The following CCDC191 variants were observed in gnomAD, a reference collection of about 807,000 sequenced individuals.
The protein encoded by CCDC191 is coiled-coil domain-containing protein 191.
Under a neutral mutation model 114.0 loss-of-function variants are expected in CCDC191, and 99 were observed. The ratio of observed to expected loss-of-function variants is 0.87; its 90% confidence interval spans 0.74 to 1.03. The LOEUF (loss-of-function observed/expected upper bound fraction) is 1.03, where lower values mean the gene tolerates loss of function less well. Among genes scored for constraint, CCDC191 ranks in the 50% least tolerant of loss-of-function variants. The pLI, the probability that CCDC191 is intolerant of heterozygous loss-of-function variation, is 0.00. For missense variants in CCDC191, 973 were observed against 1,087.0 expected, an observed-to-expected ratio of 0.90 and a Z score of 1.47; for synonymous variants, 351 against 376.0, an observed-to-expected ratio of 0.93 and a Z score of 0.77.
At chr3:113,972,666 G>A (rs747817128) in intron 16 of CCDC191, among the ~76,000 whole-genome samples, 4 of 152,136 alleles carry the variant, frequency 2.6e-5, no homozygotes, top group East Asian at 1.9e-4. Flanking sequence ...TGAGAGTGGC[G>A]TGTTGAAGTC....
At chr3:114,011,763 G>A (rs1202933440) in intron 8 of CCDC191, among the ~76,000 whole-genome samples, 1 of 152,164 alleles carries the variant, frequency 6.6e-6, no homozygotes, top group Non-Finnish European at 1.5e-5. Context: ...ATGACTGAGG[G>A]GAGGTTGGGA....
chr3:114,046,824 C>T (rs955613510), intron 2 of CCDC191, 92 bp from the exon 3 acceptor site: 1 of 1,445,992 alleles, frequency 6.9e-7, no homozygotes, highest in African/African-American at 1.4e-5. Flanking sequence ...TGATTTTCTA[C>T]CACCTACTAA....
chr3:114,006,617 T>TATATATATATATAAATAA, intron 9 of CCDC191, among the ~76,000 whole-genome samples: 1 of 118,426 alleles, frequency 8.4e-6, no homozygotes, highest in East Asian at 2.4e-4. Flanking sequence ...TATATATATA[T>TATATATATATATAAATAA]AAATATATAT....
At chr3:114,010,265 C>G (rs995701717) in intron 9 of CCDC191, among the ~76,000 whole-genome samples, 31 of 151,982 alleles carry the variant, frequency 2.0e-4, no homozygotes, top group African/African-American at 6.5e-4. Context: ...TTTGCATATG[C>G]TTAAAGACTA....
chr3:113,994,889 A>G (rs960414276), intron 13 of CCDC191, among the ~76,000 whole-genome samples: 1 of 152,138 alleles, frequency 6.6e-6, no homozygotes, highest in South Asian at 2.1e-4. Flanking sequence ...CTGAAAACTT[A>G]TGAGTCCAAA....
chr3:114,036,789 G>T lies in CCDC191; in HGVS notation c.416-3C>A. The stretch of plus-strand genomic sequence containing the variant: ...TTCCTCCAAATAGCCACATAAATCT[G>T]GGGGAAACAGAACAACAAAAAAGGG... On this transcript the variant is annotated splice_region_variant and splice_polypyrimidine_tract_variant and intron_variant, in intron 4 of 16. Transcript: ENST00000295878. The T allele has an allele frequency of 6.6e-7, 1 of 1,507,190 alleles. No individual in the cohort carries two copies. The highest frequency in any genetic ancestry group is 8.9e-7 in the Non-Finnish European group (1 of 1,128,816). 93.4% of individuals were successfully genotyped at this position (1,507,190 alleles called of 1,614,324 possible).
chr3:114,042,670 G>A (rs201271971), intron 4 of CCDC191, 33 bp downstream of exon 4: 19 of 1,498,842 alleles, frequency 1.3e-5, no homozygotes, highest in Non-Finnish European at 1.7e-5. Flanking sequence ...TTCATTAGAT[G>A]TTAAAACTTA....
At chr3:114,034,695 G>GA (rs1441372646) in intron 6 of CCDC191, among the ~76,000 whole-genome samples, 1 of 152,034 alleles carries the variant, frequency 6.6e-6, no homozygotes, top group East Asian at 1.9e-4. Context: ...ACAACAAGCA[G>GA]AATTACAAAT....
At chr3:113,982,902 C>G (rs1005190414) in intron 13 of CCDC191, among the ~76,000 whole-genome samples, 1 of 151,072 alleles carries the variant, frequency 6.6e-6, no homozygotes, top group Non-Finnish European at 1.5e-5. Context: ...CAAAAAACAA[C>G]TAGAGACCAT....
intron 15 of CCDC191, 104 bp downstream of exon 15, chr3:113,978,754 C>T: frequency 7.9e-7 from 1 of 1,273,832 alleles, no homozygotes; most frequent in Admixed American, 2.2e-5. Flanking sequence ...CTCTTTTGTT[C>T]TTGAAAAAAC....
In CCDC191 at chr3:114,010,974, T is replaced by A; in HGVS notation, c.1211A>T (p.His404Leu). Residue 404 changes from histidine (H) to leucine (L), a missense_variant, in exon 9 of 17, where the codon CAC becomes CTC. Transcript: ENST00000295878. Reference sequence around the variant, plus strand: ...CCAATGCTGCCATTCTGTAAAGCAGTGTCGGAGAACTTGTTTCCGGTTATA... The same window carrying A: ...CCAATGCTGCCATTCTGTAAAGCAGAGTCGGAGAACTTGTTTCCGGTTATA... ...TEYNRKQVLRHCFTEWQHWHG... is the reference protein window; with the variant it reads ...TEYNRKQVLRLCFTEWQHWHG... 1 of 1,614,002 alleles carries A rather than the reference T, an allele frequency of 6.2e-7. No homozygotes were observed. The highest frequency in any genetic ancestry group is 8.5e-7 in the Non-Finnish European group (1 of 1,179,904).
In CCDC191 at chr3:113,965,301, C is replaced by G; in HGVS notation, c.2665G>C (p.Glu889Gln). Residue 889 changes from glutamate (E) to glutamine (Q), a missense_variant, in exon 17 of 17, where the codon GAA becomes CAA. By Grantham distance (29) the Glu-to-Gln change is conservative. Coordinates refer to ENST00000295878, the MANE Select transcript of CCDC191 (RefSeq NM_020817.2). The stretch of plus-strand genomic sequence containing the variant: ...TGTCGCCTTTCTTCTTTTACTCTTT[C>G]CTCTTTCATAAATTTTACAAACTTC... ...WKKFVKFMKE[E>Q]RVKEERRQQL... 1 of 1,611,284 alleles carries G rather than the reference C, an allele frequency of 6.2e-7. No individual in the cohort carries two copies. The highest frequency in any genetic ancestry group is 2.2e-5 in the East Asian group (1 of 44,738).
chr3:114,027,443 G>A (rs539904803), intron 7 of CCDC191, among the ~76,000 whole-genome samples: 129 of 108,978 alleles, frequency 1.2e-3, no homozygotes, highest in Non-Finnish European at 1.9e-3. Flanking sequence ...GTGAAACTCC[G>A]TCTCTACTAA....
intron 16 of CCDC191, among the ~76,000 whole-genome samples, chr3:113,966,032 A>C (rs1211413400): frequency 6.6e-6 from 1 of 152,148 alleles, no homozygotes; most frequent in East Asian, 1.9e-4. Context: ...TATTGTACCC[A>C]TGCCAGGACC....
chr3:114,019,920 T>C (rs2076220312), intron 7 of CCDC191, among the ~76,000 whole-genome samples: 1 of 152,088 alleles, frequency 6.6e-6, no homozygotes, highest in African/African-American at 2.4e-5. Context: ...ACACACTATA[T>C]TGTAATCACC....
At position 114,018,690 on chromosome 3, in the gene CCDC191, C is replaced by T; in HGVS notation, c.1151G>A (p.Arg384Lys). 6.2e-7 allele frequency: 1 copy of T among 1,610,502 alleles called. No homozygotes were observed. The highest frequency in any genetic ancestry group is 8.5e-7 in the Non-Finnish European group (1 of 1,178,404). Reference sequence around the variant, plus strand: ...CAAATAATGATACCTGTTTTCTTCCCTAAGATCATTTTCCAAGGCTTGAGT... The same window carrying T: ...CAAATAATGATACCTGTTTTCTTCCTTAAGATCATTTTCCAAGGCTTGAGT... ...RETQALENDL[R>K]EENRKQQLAT... Residue 384 changes from arginine to lysine, a missense_variant, in exon 8 of 17, where the codon AGG becomes AAG. Transcript: ENST00000295878.
At chr3:113,987,607 C>T (rs192262184) in intron 13 of CCDC191, among the ~76,000 whole-genome samples, 1 of 152,258 alleles carries the variant, frequency 6.6e-6, no homozygotes, top group East Asian at 1.9e-4. Context: ...CTATGTTACC[C>T]ACGCTTGTCT....
chr3:114,023,989 T>C (rs922487304), intron 7 of CCDC191, among the ~76,000 whole-genome samples: 7 of 152,028 alleles, frequency 4.6e-5, no homozygotes, highest in Admixed American at 2.0e-4. Context: ...GAATCTACAA[T>C]GAACTCAAAC....
In CCDC191 at chr3:114,056,490, C is replaced by T. The variant is rs2076785806; in HGVS notation, c.-24G>A. On this transcript the variant is annotated 5_prime_UTR_variant, in exon 1 of 17. Coordinates refer to ENST00000295878, the MANE Select transcript of CCDC191 (RefSeq NM_020817.2). The stretch of plus-strand genomic sequence containing the variant: ...ATTTTCCAAGTTCGAGCCCGAACCT[C>T]GGCCAAAGCTGCAGCAACCGCCCTT... The T allele has an allele frequency of 1.2e-6, 2 of 1,613,884 alleles. No individual in the cohort carries two copies. The highest frequency in any genetic ancestry group is 1.3e-5 in the African/African-American group (1 of 74,928).
Sources: allele counts gnomAD v4.1 joint callset (sites outside exome capture counted in the v4.1 genomes callset), GRCh38; gene constraint gnomAD v4.1.1; transcripts MANE v1.5; gene names NCBI Gene and HGNC (gene_info 2026-07-23, HGNC 2026-07-21).